Variants in TJP3 observed in about 807,000 individuals in gnomAD.
TJP3 encodes tight junction protein ZO-3.
TJP3 carries 85 observed loss-of-function variants against 104.2 expected under a neutral mutation model. That is an observed-to-expected ratio of 0.82 (90% CI 0.68 to 0.98). TJP3 has a LOEUF of 0.98. Ranked by LOEUF, TJP3 falls within the 50% of genes least tolerant of loss-of-function variation. TJP3 has a pLI of 0.00. For missense variants in TJP3, 1,367 were observed against 1,322.8 expected (o/e 1.03, Z -0.52); for synonymous variants, 550 against 550.6 (o/e 1.00, Z 0.02).
intron 8 of TJP3, among the ~76,000 whole-genome samples, chr19:3,734,660 A>G (rs527958366): frequency 6.6e-6 from 1 of 152,328 alleles, no homozygotes; most frequent in East Asian, 1.9e-4. Flanking sequence ...TCTTAGTATC[A>G]AACTCTGCCT....
chr19:3,730,032 G>A lies in TJP3; in HGVS notation c.163G>A (p.Gly55Ser), dbSNP rs767924643. ...GGPAEGRLQT[G>S]DHIVMVNGVS... The stretch of plus-strand genomic sequence containing the variant: ...AGACCCGCCCTCCTCTCTCAGGACA[G>A]GCGACCACATCGTCATGGTGAACGG... The change falls in exon 4 of 21, where the codon GGC (glycine) becomes AGC (serine). Residue 55 changes from glycine (G) to serine (S), a missense_variant. Gly to Ser is a moderately conservative substitution (Grantham distance 56). Transcript: ENST00000541714. This position sits in a 1 kb window ranked among gnomAD's most constrained non-coding sequence, Gnocchi z 7.3. 1 of 1,613,964 alleles carries A rather than the reference G, an allele frequency of 6.2e-7. No homozygotes were observed. The highest frequency in any genetic ancestry group is 1.7e-5 in the Admixed American group (1 of 59,998).
Position 3,735,929 on chromosome 19 carries a change from A to G in TJP3, c.1121A>G (p.Asp374Gly). The change falls in exon 10 of 21, where the codon GAT becomes GGT. Residue 374 changes from aspartate to glycine, a missense_variant. Asp to Gly is a moderately conservative substitution (Grantham distance 94). Transcript: ENST00000541714. ...GTGCCCAGCAGTCAGAGCATGGAGG[A>G]TCGTGGGTATGTACCCCAGAAGAAA... ...YRVPSSQSME[D>G]RGYSPDTRVV... 1 of 1,614,092 alleles carries G rather than the reference A, an allele frequency of 6.2e-7. No individual in the cohort carries two copies. The highest frequency in any genetic ancestry group is 8.5e-7 in the Non-Finnish European group (1 of 1,180,010).
chr19:3,715,537 G>A (rs2036469804), intron 1 of TJP3, among the ~76,000 whole-genome samples: 1 of 152,162 alleles, frequency 6.6e-6, no homozygotes, highest in African/African-American at 2.4e-5. Context: ...CTTGAGCAGG[G>A]CATGGATATG....
intron 1 of TJP3, among the ~76,000 whole-genome samples, chr19:3,722,341 T>C (rs531201981): frequency 1.3e-5 from 2 of 152,170 alleles, no homozygotes; most frequent in African/African-American, 4.8e-5. Flanking sequence ...AGAAAAGATG[T>C]TCATCCCCCT....
intron 18 of TJP3, 126 bp downstream of exon 18, chr19:3,747,002 A>T: frequency 1.2e-6 from 1 of 861,040 alleles, no homozygotes; most frequent in Non-Finnish European, 1.8e-6. Flanking sequence ...GCCAGAGTCA[A>T]GATGGGACCT....
intron 1 of TJP3, among the ~76,000 whole-genome samples, chr19:3,709,216 C>T (rs2145657985): frequency 6.6e-6 from 1 of 152,212 alleles, no homozygotes; most frequent in African/African-American, 2.4e-5. Context: ...CCACCTCTGC[C>T]TCCCGAGTAG....
At chr19:3,718,337 C>G (rs1266805291) in intron 1 of TJP3, among the ~76,000 whole-genome samples, 2 of 150,804 alleles carry the variant, frequency 1.3e-5, no homozygotes, top group African/African-American at 2.4e-5. Flanking sequence ...CCCGCCTCGG[C>G]CTTCCAAAGT....
chr19:3,740,436 T>C, intron 13 of TJP3, 116 bp from the exon 14 acceptor site: 1 of 472,556 alleles, frequency 2.1e-6, no homozygotes, highest in Non-Finnish European at 3.5e-6. Context: ...ATCTGCAGAG[T>C]CCCTTTTGCC....
intron 19 of TJP3, 126 bp downstream of exon 19, chr19:3,748,207 G>A: frequency 7.8e-7 from 1 of 1,274,546 alleles, no homozygotes; most frequent in Non-Finnish European, 1.1e-6. Flanking sequence ...TGGTCAGACT[G>A]GTTTCTGGGA....
intron 1 of TJP3, among the ~76,000 whole-genome samples, chr19:3,724,632 G>T (rs2036579374): frequency 6.6e-6 from 1 of 152,192 alleles, no homozygotes; most frequent in African/African-American, 2.4e-5. Context: ...GACCTCCTGG[G>T]CTCAGGTGAT....
intron 14 of TJP3, among the ~76,000 whole-genome samples, chr19:3,741,194 G>C (rs1411856913): frequency 1.3e-5 from 2 of 151,844 alleles, no homozygotes; most frequent in African/African-American, 4.8e-5. Context: ...GTAAAGACGG[G>C]GTTTCACCAT....
chr19:3,732,941 G>A (rs542992338), intron 6 of TJP3, among the ~76,000 whole-genome samples: 3 of 150,240 alleles, frequency 2.0e-5, no homozygotes, highest in Non-Finnish European at 3.0e-5. Context: ...CACCACACCC[G>A]GCCGACATTA....
intron 3 of TJP3, 101 bp from the exon 4 acceptor site, chr19:3,729,927 G>A (rs2036646484): frequency 3.5e-6 from 3 of 866,246 alleles, no homozygotes; most frequent in Non-Finnish European, 5.9e-6. Flanking sequence ...ACCAGGCCTT[G>A]TAGATCTGGA....
intron 20 of TJP3, 42 bp downstream of exon 20, chr19:3,750,226 C>G: frequency 6.2e-7 from 1 of 1,613,334 alleles, no homozygotes; most frequent in South Asian, 1.1e-5. Context: ...CAACCCTTCC[C>G]TTGGGACTCA....
intron 13 of TJP3, 73 bp downstream of exon 13, chr19:3,739,207 T>A: frequency 7.2e-7 from 1 of 1,396,574 alleles, no homozygotes. Context: ...ATGGGCTCGA[T>A]TGGGCTGGAC....
chr19:3,739,056 G>T lies in TJP3; in HGVS notation c.1553G>T (p.Arg518Leu). ...LHPGPGQSHA[R>L]GGHWLAVRMG... ...CCCGGCCCCGGGCAGAGCCACGCAC[G>T]AGGAGGCCACTGGCTGGCGGTGCGC... Residue 518 changes from arginine (R) to leucine (L), a missense_variant, in exon 13 of 21, where the codon CGA (arginine) becomes CTA (leucine). Arg to Leu is a moderately radical substitution (Grantham distance 102). Coordinates refer to ENST00000541714, the MANE Select transcript of TJP3 (RefSeq NM_001267560.2). 6.2e-7 allele frequency: 1 copy of T among 1,609,232 alleles called. No homozygotes were observed.
At chr19:3,722,521 A>G (rs1394460633) in intron 1 of TJP3, among the ~76,000 whole-genome samples, 1 of 121,132 alleles carries the variant, frequency 8.3e-6, no homozygotes, top group Non-Finnish European at 1.6e-5. Flanking sequence ...ATTAACAGGC[A>G]TTACCAGGCA....
chr19:3,724,695 C>T (rs2036580060), intron 1 of TJP3, among the ~76,000 whole-genome samples: 1 of 152,282 alleles, frequency 6.6e-6, no homozygotes, highest in South Asian at 2.1e-4. Flanking sequence ...TGCCACCATG[C>T]CCGGCTAATT....
intron 1 of TJP3, among the ~76,000 whole-genome samples, chr19:3,709,359 G>A (rs376328945): frequency 3.8e-4 from 58 of 152,302 alleles, no homozygotes; most frequent in African/African-American, 1.4e-3. Context: ...GCCTCCCAAA[G>A]TGCTGGGATT....
Sources: gnomAD v4.1 joint callset for allele counts (sites outside exome capture counted in the v4.1 genomes callset) on GRCh38, gnomAD v4.1.1 for gene constraint, Gnocchi (gnomAD v3.1) non-coding constraint, MANE v1.5 for transcripts, NCBI Gene and HGNC (gene_info 2026-07-23, HGNC 2026-07-21) for gene names.